The following GRM8 variants were observed in gnomAD, a reference collection of about 807,000 sequenced individuals.
GRM8 encodes the protein glutamate metabotropic receptor 8, also known as metabotropic glutamate receptor 8.
Under a neutral mutation model 87.2 loss-of-function variants are expected in GRM8, and 47 were observed. The observed-to-expected ratio is 0.54, with a 90% CI of 0.43 to 0.69. GRM8 has a LOEUF of 0.69. GRM8 is among the 30% of genes least tolerant of loss of function. The pLI is 0.00. For missense variants in GRM8, 1,019 were observed against 1,139.2 expected (o/e 0.89, Z 1.52); for synonymous variants, 396 against 404.5 (o/e 0.98, Z 0.25).
At chr7:127,111,661 T>A (rs1826359877) in intron 2 of GRM8, among the ~76,000 whole-genome samples, 1 of 152,194 alleles carries the variant, frequency 6.6e-6, no homozygotes, top group South Asian at 2.1e-4. Context: ...CCACTTGACT[T>A]TTCTTCATGC....
intron 2 of GRM8, among the ~76,000 whole-genome samples, chr7:127,155,656 T>G (rs1250132834): frequency 2.0e-5 from 3 of 152,128 alleles, no homozygotes; most frequent in Non-Finnish European, 4.4e-5. Context: ...TGGAACTAAA[T>G]AGCAAGTTCG....
At position 127,212,694 on chromosome 7, in the gene GRM8, G is replaced by A. The variant is rs1207373184; in HGVS notation, c.510+30001C>T. 5.9e-5 allele frequency among the ~76,000 whole-genome samples: 9 copies of A among 152,098 alleles called. No individual in the cohort carries two copies. In the South Asian group the frequency reaches 6.2e-4, roughly 11 times the overall value. On this transcript the variant is annotated intron_variant, in intron 2 of 10. Transcript: ENST00000339582. ...GGCCTCCCAAAGTGCTGGGATTACA[G>A]GCGTGAGCCACCGCGCCCGGCCGAC...
chr7:126,662,809 A>G (rs1426752872), intron 7 of GRM8, among the ~76,000 whole-genome samples: 1 of 152,194 alleles, frequency 6.6e-6, no homozygotes, highest in East Asian at 1.9e-4. Flanking sequence ...CACAGAGGAA[A>G]TGGATTATGA....
chr7:126,681,020 TAAG>T lies in GRM8; in HGVS notation c.1358-71525_1358-71523del, dbSNP rs761559229. 6.5e-4 allele frequency among the ~76,000 whole-genome samples: 99 copies of T among 152,336 alleles called. 1 individual carries two copies. Among genetic ancestry groups the T allele is most frequent in the Admixed American group, 9.8e-4 (15 of 15,300 alleles). ...AAATACATTTATTTTTAGAGTTTAA[TAAG>T]AAGTTATTCAGGAACATACTTATAA... On this transcript the variant is annotated intron_variant, in intron 7 of 10. Transcript: ENST00000339582.
intron 3 of GRM8, among the ~76,000 whole-genome samples, chr7:126,954,302 C>T (rs978690932): frequency 3.3e-5 from 5 of 152,094 alleles, no homozygotes; most frequent in African/African-American, 9.7e-5. Flanking sequence ...GTCACGGGGA[C>T]ATGAAAATCT....
intron 2 of GRM8, among the ~76,000 whole-genome samples, chr7:127,130,007 C>T (rs1587096164): frequency 6.6e-6 from 1 of 152,092 alleles, no homozygotes; most frequent in African/African-American, 2.4e-5. Flanking sequence ...GGGTCAGTTT[C>T]CCACATGCTG....
chr7:126,864,137 T>A (rs1309441383), intron 6 of GRM8, among the ~76,000 whole-genome samples: 1 of 149,580 alleles, frequency 6.7e-6, no homozygotes, highest in African/African-American at 2.5e-5. Flanking sequence ...TCCCAAAGTG[T>A]TGGGATTACA....
chr7:127,226,711 C>CT (rs1273781729), intron 2 of GRM8, among the ~76,000 whole-genome samples: 1 of 152,224 alleles, frequency 6.6e-6, no homozygotes, highest in African/African-American at 2.4e-5. Flanking sequence ...CTCTTTCTGT[C>CT]TTGAGCTGAT....
At chr7:127,174,934 T>C (rs535406318) in intron 2 of GRM8, among the ~76,000 whole-genome samples, 17 of 152,152 alleles carry the variant, frequency 1.1e-4, no homozygotes, top group Non-Finnish European at 1.8e-4. Context: ...GAACAGCTTA[T>C]GGACAAACAG....
intron 6 of GRM8, among the ~76,000 whole-genome samples, chr7:126,824,414 T>C (rs73451296): frequency 0.022 from 3,376 of 152,316 alleles, 131 homozygotes; most frequent in African/African-American, 0.077. Context: ...TTTAAAACTT[T>C]GTTGATCCAC....
chr7:126,690,494 G>A (rs1254773713), intron 7 of GRM8, among the ~76,000 whole-genome samples: 1 of 152,204 alleles, frequency 6.6e-6, no homozygotes, highest in Non-Finnish European at 1.5e-5. Context: ...AAGACACCAG[G>A]AACCGCAGAG....
intron 7 of GRM8, among the ~76,000 whole-genome samples, chr7:126,650,367 G>A (rs112444325): frequency 0.14 from 20,948 of 152,114 alleles, 1,896 homozygotes; most frequent in Non-Finnish European, 0.17. Flanking sequence ...CCAGGGCCTC[G>A]TTCACAGATG....
intron 2 of GRM8, among the ~76,000 whole-genome samples, chr7:127,164,855 T>C (rs1793339840): frequency 6.6e-6 from 1 of 152,012 alleles, no homozygotes; most frequent in African/African-American, 2.4e-5. Context: ...TAGGTGACCT[T>C]GGGCAAGTTA....
chr7:126,962,692 C>T (rs1195448280), intron 3 of GRM8, among the ~76,000 whole-genome samples: 2 of 152,192 alleles, frequency 1.3e-5, no homozygotes, highest in Non-Finnish European at 2.9e-5. Context: ...GCTCAAAACA[C>T]TTAACATTGT....
chr7:127,198,556 C>T lies in GRM8; in HGVS notation c.510+44139G>A, dbSNP rs77522609. 2.9e-3 allele frequency among the ~76,000 whole-genome samples: 443 copies of T among 152,192 alleles called. 4 individuals carry two copies. Among genetic ancestry groups the T allele is most frequent in the African/African-American group, 0.01 (423 of 41,524 alleles). On this transcript the variant is annotated intron_variant, in intron 2 of 10. Coordinates refer to ENST00000339582, the MANE Select transcript of GRM8 (RefSeq NM_000845.3). ...AATGCTAGCTACTGTTGCTATTGTT[C>T]CTTTCATTGAGAGATGTTTTGTGGT...
At chr7:126,762,656 A>G (rs1369930753) in intron 7 of GRM8, among the ~76,000 whole-genome samples, 1 of 152,076 alleles carries the variant, frequency 6.6e-6, no homozygotes, top group Non-Finnish European at 1.5e-5. Flanking sequence ...TAATTATGAG[A>G]GTAAATGAGC....
chr7:127,040,453 G>A (rs375113920), intron 3 of GRM8, among the ~76,000 whole-genome samples: 9 of 152,086 alleles, frequency 5.9e-5, no homozygotes, highest in East Asian at 3.9e-4. Context: ...TTCAGTTACC[G>A]ATGTGAAACT....
chr7:126,845,512 G>C lies in GRM8; in HGVS notation c.1156+57030C>G, dbSNP rs980163962. Among the ~76,000 whole-genome samples, 53 of 152,208 alleles carry C rather than the reference G, an allele frequency of 3.5e-4. 1 individual carries two copies. The highest frequency in any genetic ancestry group is 4.2e-4 in the South Asian group (2 of 4,810). On this transcript the variant is annotated intron_variant, in intron 6 of 10. Coordinates refer to ENST00000339582, the MANE Select transcript of GRM8 (RefSeq NM_000845.3). ...TCCATCTCACAATCTGCACAGAAAT[G>C]AATCATTCATTACTAAACTTCCTTT...
intron 6 of GRM8, among the ~76,000 whole-genome samples, chr7:126,793,767 G>A (rs1193632313): frequency 6.6e-6 from 1 of 152,150 alleles, no homozygotes; most frequent in African/African-American, 2.4e-5. Context: ...TTTTGCTAAA[G>A]CAGAGAAACT....
Sources: allele counts gnomAD v4.1 joint callset (sites outside exome capture counted in the v4.1 genomes callset), GRCh38; gene constraint gnomAD v4.1.1; transcripts MANE v1.5; gene names NCBI Gene and HGNC (gene_info 2026-07-23, HGNC 2026-07-21).